Variants in SGCD observed in about 807,000 individuals in gnomAD.
SGCD encodes the protein delta-sarcoglycan.
In SGCD, 18 loss-of-function variants were observed where a neutral mutation model predicts 36.6. That is an observed-to-expected ratio of 0.49 (90% CI 0.34 to 0.73). The LOEUF is 0.73. SGCD is among the 30% of genes least tolerant of loss of function. The pLI is 0.01. For synonymous variants in SGCD, 133 were observed against 130.6 expected (o/e 1.02, Z -0.12); for missense variants, 387 against 346.7 (o/e 1.12, Z -0.92).
chr5:156,648,566 GA>G (rs1258605184), intron 7 of SGCD, among the ~76,000 whole-genome samples: 2 of 152,110 alleles, frequency 1.3e-5, no homozygotes, highest in African/African-American at 4.8e-5. Flanking sequence ...TGGCTGTAAG[GA>G]AATAAATTGG....
At chr5:156,322,885 A>C (rs904781656), upstream of SGCD, among the ~76,000 whole-genome samples, 9 of 152,198 alleles carry the variant, frequency 5.9e-5, no homozygotes, top group African/African-American at 2.2e-4. Flanking sequence ...TTGTGCAATC[A>C]GATTTATGTT....
intron 7 of SGCD, among the ~76,000 whole-genome samples, chr5:156,717,074 A>G (rs968655515): frequency 3.3e-5 from 5 of 152,238 alleles, no homozygotes; most frequent in African/African-American, 7.2e-5. Flanking sequence ...ATATTTTTAA[A>G]AGGAAAACAT....
At chr5:155,993,102 A>C (rs1447857481) in intron 1 of SGCD, among the ~76,000 whole-genome samples, 1 of 152,084 alleles carries the variant, frequency 6.6e-6, no homozygotes, top group Non-Finnish European at 1.5e-5. Flanking sequence ...CCTGTTTACC[A>C]TGCCTCACCT....
At chr5:156,578,671 ACTT>A (rs1476766965) in intron 4 of SGCD, among the ~76,000 whole-genome samples, 3 of 152,152 alleles carry the variant, frequency 2.0e-5, no homozygotes, top group African/African-American at 7.2e-5. Context: ...GAATTTATCC[ACTT>A]CTTCTAGATT....
chr5:156,737,721 T>C (rs1756446936), intron 7 of SGCD, among the ~76,000 whole-genome samples: 2 of 152,202 alleles, frequency 1.3e-5, no homozygotes, highest in Non-Finnish European at 2.9e-5. Context: ...TCTTACATTA[T>C]AATCATATGG....
intron 4 of SGCD, among the ~76,000 whole-genome samples, chr5:156,588,498 T>C (rs965301478): frequency 7.9e-5 from 12 of 152,174 alleles, no homozygotes; most frequent in African/African-American, 2.9e-4. Flanking sequence ...GCCTGAAATA[T>C]TCAGTCTCAA....
intron 4 of SGCD, among the ~76,000 whole-genome samples, chr5:156,538,017 C>T (rs544805504): frequency 3.7e-4 from 56 of 151,740 alleles, no homozygotes; most frequent in African/African-American, 1.3e-3. Context: ...TCTGGTGGTT[C>T]GGGTAGAGCT....
intron 1 of SGCD, among the ~76,000 whole-genome samples, chr5:156,077,390 C>T (rs536103151): frequency 1.2e-4 from 18 of 152,180 alleles, no homozygotes; most frequent in African/African-American, 3.6e-4. Context: ...GATGGAAGGA[C>T]GATTGAGCAA....
At chr5:155,867,866 A>G (rs1457591438), upstream of SGCD, among the ~76,000 whole-genome samples, 1 of 152,198 alleles carries the variant, frequency 6.6e-6, no homozygotes. Context: ...ACTTAGAAAC[A>G]TTAAGTAATT....
upstream of SGCD, among the ~76,000 whole-genome samples, chr5:155,867,982 G>A (rs1164886140): frequency 6.6e-6 from 1 of 152,164 alleles, no homozygotes; most frequent in Non-Finnish European, 1.5e-5. Context: ...GGGAAACCAA[G>A]GAGTGGAAAA....
chr5:156,001,142 C>T (rs937306652), intron 1 of SGCD, among the ~76,000 whole-genome samples: 2 of 152,172 alleles, frequency 1.3e-5, no homozygotes, highest in Admixed American at 6.5e-5. Context: ...ATCTCATCAT[C>T]TTGTTTCTGG....
chr5:156,618,689 G>A (rs962035357), intron 6 of SGCD, among the ~76,000 whole-genome samples: 1 of 151,632 alleles, frequency 6.6e-6, no homozygotes, highest in Non-Finnish European at 1.5e-5. Flanking sequence ...GGCAGCATAA[G>A]CTACAGTGGT....
chr5:156,452,291 G>GTA (rs1754055216), intron 3 of SGCD, among the ~76,000 whole-genome samples: 1 of 151,910 alleles, frequency 6.6e-6, no homozygotes, highest in Admixed American at 6.6e-5. Flanking sequence ...TATGCTCTAG[G>GTA]TATAGTCTCT....
chr5:156,428,788 A>C (rs1773786452), intron 3 of SGCD, among the ~76,000 whole-genome samples: 1 of 152,100 alleles, frequency 6.6e-6, no homozygotes, highest in Non-Finnish European at 1.5e-5. Context: ...TTCATTGTTG[A>C]CCCAAACATC....
chr5:156,744,788 A>G (rs1001109432), intron 7 of SGCD, among the ~76,000 whole-genome samples: 1 of 152,220 alleles, frequency 6.6e-6, no homozygotes, highest in African/African-American at 2.4e-5. Flanking sequence ...AAGTTGGCAC[A>G]TCCATAATTT....
At chr5:156,109,891 C>A (rs1761743734) in intron 1 of SGCD, among the ~76,000 whole-genome samples, 1 of 152,162 alleles carries the variant, frequency 6.6e-6, no homozygotes, top group Non-Finnish European at 1.5e-5. Context: ...GGTACCAGGG[C>A]TTGTTAGGAC....
chr5:156,674,008 A>C lies in SGCD; in HGVS notation c.575+26472A>C, dbSNP rs989907774. Among the ~76,000 whole-genome samples, 15 of 152,322 alleles carry C rather than the reference A, an allele frequency of 9.8e-5. No individual in the cohort carries two copies. The South Asian group carries it at 1.9e-3, about 19-fold the overall frequency. On this transcript the variant is annotated intron_variant, in intron 7 of 8. Transcript: ENST00000337851. ...TAGAATGCTCTTTGGGAAATGATGAAAATGCCATTCAGCCTTTGAATGCAG... is the reference window on the plus strand; with the variant it reads ...TAGAATGCTCTTTGGGAAATGATGACAATGCCATTCAGCCTTTGAATGCAG...
At chr5:155,750,392 C>G in the SGCD span, among the ~76,000 whole-genome samples, 2 of 152,254 alleles carry the variant, frequency 1.3e-5, no homozygotes, top group South Asian at 2.1e-4. Flanking sequence ...TTTGTTTAAA[C>G]AGAGACCAGA....
At chr5:155,770,315 A>G in the SGCD span, among the ~76,000 whole-genome samples, 1 of 152,054 alleles carries the variant, frequency 6.6e-6, no homozygotes, top group Non-Finnish European at 1.5e-5. Context: ...TTGAGGAGTG[A>G]CATTTAATTT....
Sources: gnomAD v4.1 joint callset for allele counts (sites outside exome capture counted in the v4.1 genomes callset) on GRCh38, gnomAD v4.1.1 for gene constraint, MANE v1.5 for transcripts, NCBI Gene and HGNC (gene_info 2026-07-23, HGNC 2026-07-21) for gene names.